The following SNRPC variants were observed in gnomAD, a reference collection of about 807,000 sequenced individuals.
SNRPC encodes small nuclear ribonucleoprotein polypeptide C, also known as U1 small nuclear ribonucleoprotein C.
SNRPC carries 5 observed loss-of-function variants against 20.0 expected under a neutral mutation model. The ratio of observed to expected loss-of-function variants is 0.25; its 90% CI spans 0.13 to 0.53. The LOEUF is 0.53. Among genes scored for constraint, SNRPC ranks in the 20% least tolerant of loss-of-function variants. SNRPC has a pLI of 0.96. For missense variants in SNRPC, 112 were observed against 224.1 expected (o/e 0.50, Z 3.19); for synonymous variants, 61 against 58.7 (o/e 1.04, Z -0.18).
At chr6:34,758,804 A>T (rs1300903907) in intron 2 of SNRPC, among the ~76,000 whole-genome samples, 1 of 151,988 alleles carries the variant, frequency 6.6e-6, no homozygotes, top group Non-Finnish European at 1.5e-5. Flanking sequence ...AGGCGGGCGG[A>T]TCACGAGGTC....
chr6:34,761,401 G>A (rs1322510949), intron 2 of SNRPC, among the ~76,000 whole-genome samples: 1 of 152,026 alleles, frequency 6.6e-6, no homozygotes, highest in Non-Finnish European at 1.5e-5. Context: ...GCCTCCCAAA[G>A]TGCTGGGATT....
chr6:34,758,021 T>C, intron 2 of SNRPC, 67 bp downstream of exon 2: 1 of 1,536,502 alleles, frequency 6.5e-7, no homozygotes, highest in South Asian at 1.2e-5. Context: ...GTTTTGTGTT[T>C]TTTTTAAGTT....
chr6:34,768,038 G>T, intron 4 of SNRPC, 41 bp downstream of exon 4: 1 of 1,575,948 alleles, frequency 6.3e-7, no homozygotes, highest in South Asian at 1.2e-5. Context: ...TGACGGGGCA[G>T]GCTATCCTTT....
At chr6:34,760,391 A>G (rs746297862) in intron 2 of SNRPC, among the ~76,000 whole-genome samples, 2 of 151,950 alleles carry the variant, frequency 1.3e-5, no homozygotes, top group Non-Finnish European at 2.9e-5. Context: ...GTGTATTATC[A>G]TACATTGTCC....
At position 34,773,463 on chromosome 6, in the gene SNRPC, C is replaced by T. The variant is rs777672383; in HGVS notation, c.373C>T (p.Pro125Ser). Reference sequence around the variant, plus strand: ...TCCTGCAGCTCCTGGAATGAGGCCGCCCATGGGAGGCCATATGCCAATGAT... The same window carrying T: ...TCCTGCAGCTCCTGGAATGAGGCCGTCCATGGGAGGCCATATGCCAATGAT... ...PVGPAPGMRPPMGGHMPMMPG... is the reference protein window; with the variant it reads ...PVGPAPGMRPSMGGHMPMMPG... The change falls in exon 6 of 6, where the codon CCC becomes TCC. Residue 125 changes from proline to serine, a missense_variant. Coordinates refer to ENST00000244520, the MANE Select transcript of SNRPC (RefSeq NM_003093.3). The surrounding 1 kb of genome is among the most constrained non-coding windows in gnomAD (Gnocchi z 4.1). 8 of 1,613,832 alleles carry T rather than the reference C, an allele frequency of 5.0e-6. No homozygotes were observed. In the Admixed American group the frequency reaches 5.0e-5, roughly 10 times the overall value.
chr6:34,759,012 T>C (rs1581588280), intron 2 of SNRPC, among the ~76,000 whole-genome samples: 2 of 98,766 alleles, frequency 2.0e-5, no homozygotes, highest in Admixed American at 1.6e-4. Context: ...AGAGCGAGAC[T>C]CCGTCTCAAA....
intron 4 of SNRPC, among the ~76,000 whole-genome samples, 175 bp downstream of exon 4, chr6:34,768,172 T>C (rs921993262): frequency 6.6e-6 from 1 of 152,194 alleles, no homozygotes; most frequent in Non-Finnish European, 1.5e-5. Context: ...AAAACAACTT[T>C]AGTGGTATAA....
chr6:34,762,687 C>T lies in SNRPC; in HGVS notation c.144C>T (p.Ser48=), dbSNP rs1443976963. ...YQKWMEEQAQ[S]LIDKTTAAFQ... is the part of the protein sequence containing the mutation. ...AATGGATGGAAGAGCAGGCTCAGAG[C>T]CTGATTGACAAAACAAGTATGTTTC... The change falls in exon 3 of 6, where the codon AGC becomes AGT. Residue 48 remains serine (S), a synonymous_variant. Transcript: ENST00000244520. 4 of 1,551,160 alleles carry T rather than the reference C, an allele frequency of 2.6e-6. No individual in the cohort carries two copies. In the African/African-American group the frequency reaches 5.4e-5, roughly 21 times the overall value.
chr6:34,771,689 A>AC (rs1764694207), intron 5 of SNRPC, among the ~76,000 whole-genome samples: 1 of 152,214 alleles, frequency 6.6e-6, no homozygotes. Flanking sequence ...ACCAACACCT[A>AC]CAACTCTTCT....
rs748509943 is a variant in SNRPC, at chr6:34,757,993, T to C, written c.51+39T>C. The C allele has an allele frequency of 3.8e-6, 6 of 1,582,904 alleles. No individual in the cohort carries two copies. The South Asian group carries it at 5.8e-5, about 15-fold the overall frequency. On this transcript the variant is annotated intron_variant, in intron 2 of 5. Coordinates refer to ENST00000244520, the MANE Select transcript of SNRPC (RefSeq NM_003093.3). ...CTATTCATAGTTTCAAAAAGCCTTA[T>C]GTGTAATAATTAAATGAGTTTTGTG...
chr6:34,773,535 C>T lies in SNRPC; in HGVS notation c.445C>T (p.Pro149Ser). ...MRPPARPMMV[P>S]TRPGMTRPDR is the part of the protein sequence containing the mutation. ...ACCTCCTGCCCGTCCCATGATGGTGCCCACTCGGCCCGGAATGACTCGACC... is the reference window on the plus strand; with the variant it reads ...ACCTCCTGCCCGTCCCATGATGGTGTCCACTCGGCCCGGAATGACTCGACC... Residue 149 changes from proline (P) to serine (S), a missense_variant, in exon 6 of 6, where the codon CCC (proline) becomes TCC (serine). Transcript: ENST00000244520. This position sits in a 1 kb window ranked among gnomAD's most constrained non-coding sequence, Gnocchi z 4.1. 3 of 1,613,754 alleles carry T rather than the reference C, an allele frequency of 1.9e-6. No homozygotes were observed. The highest frequency in any genetic ancestry group is 2.5e-6 in the Non-Finnish European group (3 of 1,179,890).
intron 3 of SNRPC, among the ~76,000 whole-genome samples, chr6:34,764,620 G>A (rs1427164270): frequency 4.0e-5 from 6 of 151,864 alleles, no homozygotes; most frequent in South Asian, 2.1e-4. Flanking sequence ...CTAAGATTGC[G>A]CCACTGCACT....
Position 34,773,157 on chromosome 6 carries a change from G to A in SNRPC, c.356-289G>A. ...AAAAAGGTCAGTTTAGGGAACTAGTGTCCCTGGCGATTTCTGGAAAGCAGT... is the reference window on the plus strand; with the variant it reads ...AAAAAGGTCAGTTTAGGGAACTAGTATCCCTGGCGATTTCTGGAAAGCAGT... On this transcript the variant is annotated intron_variant, in intron 5 of 5. Coordinates refer to ENST00000244520, the MANE Select transcript of SNRPC (RefSeq NM_003093.3). The surrounding 1 kb of genome is among the most constrained non-coding windows in gnomAD (Gnocchi z 4.1). 3.1e-6 allele frequency: 1 copy of A among 325,508 alleles called. No homozygotes were observed. The highest frequency in any genetic ancestry group is 5.8e-6 in the Non-Finnish European group (1 of 171,128). 20.2% of individuals were successfully genotyped at this position (325,508 alleles called of 1,614,324 possible).
chr6:34,770,464 A>C (rs1414027543), intron 5 of SNRPC, 69 bp downstream of exon 5: 13 of 1,004,062 alleles, frequency 1.3e-5, no homozygotes, highest in Non-Finnish European at 1.6e-5. Flanking sequence ...CTGACACTTA[A>C]TGGAAGGAAG....
intron 5 of SNRPC, among the ~76,000 whole-genome samples, chr6:34,770,775 G>A (rs1217837698): frequency 6.6e-6 from 1 of 152,136 alleles, no homozygotes; most frequent in Non-Finnish European, 1.5e-5. Flanking sequence ...AGATGAGCTT[G>A]TTCCATTTTG....
chr6:34,766,995 T>A (rs933097823), intron 3 of SNRPC, among the ~76,000 whole-genome samples: 5 of 152,174 alleles, frequency 3.3e-5, no homozygotes, highest in Non-Finnish European at 7.3e-5. Flanking sequence ...ATCTTCAGTT[T>A]CTCTTGTTTT....
chr6:34,767,052 G>A (rs1350419643), intron 3 of SNRPC, among the ~76,000 whole-genome samples: 1 of 152,008 alleles, frequency 6.6e-6, no homozygotes, highest in African/African-American at 2.4e-5. Flanking sequence ...GATTGCATTA[G>A]ACTTTCTTAA....
At chr6:34,759,782 TGAAA>T (rs1029238356) in intron 2 of SNRPC, among the ~76,000 whole-genome samples, 6 of 152,194 alleles carry the variant, frequency 3.9e-5, no homozygotes, top group Admixed American at 2.6e-4. Flanking sequence ...GCAGACCTCA[TGAAA>T]GAGTCTCAGA....
chr6:34,758,088 T>C (rs921300715), intron 2 of SNRPC, 134 bp downstream of exon 2: 1 of 944,916 alleles, frequency 1.1e-6, no homozygotes, highest in African/African-American at 1.7e-5. Context: ...AAGAAAATAA[T>C]TGGAGGTTAT....
Sources: gnomAD v4.1 joint callset for allele counts (sites outside exome capture counted in the v4.1 genomes callset) on GRCh38, gnomAD v4.1.1 for gene constraint, Gnocchi (gnomAD v3.1) non-coding constraint, MANE v1.5 for transcripts, NCBI Gene and HGNC (gene_info 2026-07-23, HGNC 2026-07-21) for gene names.